The following PKNOX1 variants were observed in gnomAD, a reference collection of about 807,000 sequenced individuals.
PKNOX1 encodes homeobox protein PKNOX1.
A neutral mutation model predicts 51.9 loss-of-function variants in PKNOX1; 15 were observed. The observed-to-expected ratio is 0.29, with a 90% CI of 0.19 to 0.45. PKNOX1 has a LOEUF of 0.45. Among genes scored for constraint, PKNOX1 ranks in the 20% least tolerant of loss-of-function variants. The probability of loss-of-function intolerance (pLI) is 1.00; values close to 1 mark genes in which losing one functional copy is unlikely to be tolerated. For missense variants in PKNOX1, 462 were observed against 547.5 expected (o/e 0.84, Z 1.56); for synonymous variants, 219 against 211.1 (o/e 1.04, Z -0.32).
chr21:43,021,456 G>A lies in PKNOX1; in HGVS notation c.849+25G>A. ...GGTAAGGACGGCTGGGCCAGCCCTT[G>A]CCTTGCAGCCCTCTGCGACGCTTGC... is the stretch of plus-strand genomic sequence containing the variant. On this transcript the variant is annotated intron_variant, in intron 8 of 10. Transcript: ENST00000291547. This position sits in a 1 kb window ranked among gnomAD's most constrained non-coding sequence, Gnocchi z 4.6. The A allele has an allele frequency of 6.3e-7, 1 of 1,584,948 alleles. No homozygotes were observed. The highest frequency in any genetic ancestry group is 8.6e-7 in the Non-Finnish European group (1 of 1,163,180).
chr21:42,995,216 C>T lies in PKNOX1; in HGVS notation c.-56-9110C>T, dbSNP rs554013234. Among the ~76,000 whole-genome samples, 19 of 152,276 alleles carry T rather than the reference C, an allele frequency of 1.2e-4. No individual in the cohort carries two copies. In the East Asian group the frequency reaches 3.5e-3, roughly 28 times the overall value. On this transcript the variant is annotated intron_variant, in intron 1 of 10. Coordinates refer to ENST00000291547, the MANE Select transcript of PKNOX1 (RefSeq NM_004571.5). ...GGATTACAGGTGTGAACCACCACAC[C>T]TGGCCGTTTACTTTTATTTTTGCCA...
At position 43,030,302 on chromosome 21, in the gene PKNOX1, CGTGTGTGT is replaced by C; in HGVS notation, c.*203_*210del. 2.6e-6 allele frequency: 1 copy of C among 381,214 alleles called. No homozygotes were observed. The highest frequency in any genetic ancestry group is 4.7e-6 in the Non-Finnish European group (1 of 214,218). 23.6% of individuals were successfully genotyped at this position (381,214 alleles called of 1,614,324 possible). A position where few individuals can be genotyped will look rare whatever the true frequency, so the allele number is the denominator to read the frequency against. Reference sequence around the variant, plus strand: ...GTGTGTGTGTGTGTGTGCGTGTGTGCGTGTGTGTGGATTTTTAAAGAAATTCTTTAAAG... The same window carrying C: ...GTGTGTGTGTGTGTGTGCGTGTGTGCGGATTTTTAAAGAAATTCTTTAAAG... On this transcript the variant is annotated 3_prime_UTR_variant, in exon 11 of 11. Transcript: ENST00000291547.
At chr21:42,991,404 A>C (rs2059086394) in intron 1 of PKNOX1, among the ~76,000 whole-genome samples, 2 of 152,076 alleles carry the variant, frequency 1.3e-5, no homozygotes, top group Admixed American at 1.3e-4. Context: ...TTAACTATAC[A>C]GAGAGGAGTT....
intron 9 of PKNOX1, among the ~76,000 whole-genome samples, chr21:43,025,577 A>G (rs923795937): frequency 1.3e-5 from 2 of 152,194 alleles, no homozygotes; most frequent in Non-Finnish European, 2.9e-5. Flanking sequence ...GACTCTGGCC[A>G]GATGTATTTT....
chr21:42,994,703 C>G (rs1014784388), intron 1 of PKNOX1, among the ~76,000 whole-genome samples: 19 of 152,020 alleles, frequency 1.2e-4, no homozygotes, highest in Non-Finnish European at 2.8e-4. Context: ...TACAACTAAA[C>G]ATTGAGCACG....
At chr21:42,981,831 G>A (rs1347493745) in intron 1 of PKNOX1, among the ~76,000 whole-genome samples, 1 of 152,230 alleles carries the variant, frequency 6.6e-6, no homozygotes, top group African/African-American at 2.4e-5. Context: ...TGGGTGGTGA[G>A]ATAGGTGGTT....
chr21:43,007,661 G>A lies in PKNOX1; in HGVS notation c.179+43G>A, dbSNP rs769903979. ...GGCTGTGGGGGCCTCAGAGGAGTGA[G>A]GAGTGTCCACAAGTTTGTTAAAAGG... On this transcript the variant is annotated intron_variant, in intron 3 of 10. Transcript: ENST00000291547. 7.4e-6 allele frequency: 12 copies of A among 1,611,404 alleles called. No homozygotes were observed. In the African/African-American group the frequency reaches 9.4e-5, roughly 13 times the overall value.
Position 43,010,153 on chromosome 21 carries a change from G to GAA in PKNOX1, c.283_284dup (p.Asn95LysfsTer4). On this transcript the variant is annotated frameshift_variant, in exon 4 of 11. Coordinates refer to ENST00000291547, the MANE Select transcript of PKNOX1 (RefSeq NM_004571.5). LOFTEE classifies it high-confidence loss of function. ...TTCTGCCAGTTTTGATGTAGACATC[G>GAA]AAAATTTTGTAAGAAAGCAAGAGAA... 1 of 1,604,560 alleles carries GAA rather than the reference G, an allele frequency of 6.2e-7. No individual in the cohort carries two copies.
At chr21:43,003,917 A>T (rs534428794) in intron 1 of PKNOX1, 3 of 158,316 alleles carry the variant, frequency 1.9e-5, no homozygotes, top group Admixed American at 6.1e-5. Context: ...TTTGTTCTCT[A>T]CATGTAAAAA....
intron 4 of PKNOX1, 104 bp downstream of exon 4, chr21:43,010,328 G>A: frequency 1.6e-6 from 1 of 614,316 alleles, no homozygotes; most frequent in South Asian, 2.6e-5. Context: ...TCTGCTAAAG[G>A]AGAGACTCAT....
chr21:43,023,682 T>G (rs1979863044), intron 8 of PKNOX1, among the ~76,000 whole-genome samples: 1 of 151,980 alleles, frequency 6.6e-6, no homozygotes, highest in African/African-American at 2.4e-5. Flanking sequence ...TGGCGCGATC[T>G]CGGCTCACTG....
chr21:42,985,239 G>C (rs1489384216), intron 1 of PKNOX1, among the ~76,000 whole-genome samples: 1 of 151,868 alleles, frequency 6.6e-6, no homozygotes, highest in Non-Finnish European at 1.5e-5. Context: ...CACCCTCCTC[G>C]GCCTCTCAAA....
chr21:42,983,142 C>T (rs1268821500), intron 1 of PKNOX1, among the ~76,000 whole-genome samples: 2 of 152,042 alleles, frequency 1.3e-5, no homozygotes, highest in Non-Finnish European at 2.9e-5. Flanking sequence ...TGGTAAAATA[C>T]ACGTAACAAA....
intron 1 of PKNOX1, among the ~76,000 whole-genome samples, chr21:42,987,395 A>AT (rs1568888764): frequency 6.5e-5 from 8 of 122,762 alleles, no homozygotes; most frequent in African/African-American, 2.6e-4. Context: ...AAAAAAAAAA[A>AT]AAAAAAAAAA....
chr21:43,010,668 C>G (rs766518112), intron 4 of PKNOX1, among the ~76,000 whole-genome samples: 1 of 151,866 alleles, frequency 6.6e-6, no homozygotes, highest in African/African-American at 2.4e-5. Context: ...TGGCCAACAT[C>G]TGGTCTCGAT....
rs367879750 is a variant in PKNOX1, at chr21:43,001,832, C to T, written c.-56-2494C>T. ...AAAATTAGCCGGACGTAGTCGCAGGCGCCTGTAGTCCCAGCTACTCGGGAG... is the reference window on the plus strand; with the variant it reads ...AAAATTAGCCGGACGTAGTCGCAGGTGCCTGTAGTCCCAGCTACTCGGGAG... On this transcript the variant is annotated intron_variant, in intron 1 of 10. Transcript: ENST00000291547. Among the ~76,000 whole-genome samples, 20 of 151,878 alleles carry T rather than the reference C, an allele frequency of 1.3e-4. No individual in the cohort carries two copies. In the East Asian group the frequency reaches 2.3e-3, roughly 18 times the overall value.
Position 43,030,826 on chromosome 21 carries a change from A to C in PKNOX1, c.*725A>C, listed in dbSNP as rs181840413. 8 of 152,358 alleles carry C rather than the reference A, an allele frequency of 5.3e-5. No homozygotes were observed. The East Asian group carries it at 9.7e-4, about 18-fold the overall frequency. 9.4% of individuals were successfully genotyped at this position (152,358 alleles called of 1,614,324 possible). On this transcript the variant is annotated 3_prime_UTR_variant, in exon 11 of 11. Coordinates refer to ENST00000291547, the MANE Select transcript of PKNOX1 (RefSeq NM_004571.5). The stretch of plus-strand genomic sequence containing the variant: ...GGAATGTTCTGAATTGACCAAATTT[A>C]ATGAACCTGCCCAAAGTTAGCTACC...
chr21:43,029,592 C>T (rs1006992483), intron 10 of PKNOX1, among the ~76,000 whole-genome samples: 27 of 151,674 alleles, frequency 1.8e-4, no homozygotes, highest in Admixed American at 1.3e-4. Flanking sequence ...CCACCACGCC[C>T]GGCTAATTTT....
chr21:43,008,599 G>A (rs1034754985), intron 3 of PKNOX1, among the ~76,000 whole-genome samples: 5 of 152,040 alleles, frequency 3.3e-5, no homozygotes, highest in Admixed American at 2.0e-4. Flanking sequence ...CCAACATGGC[G>A]AAACCCTGTC....
Sources: gnomAD v4.1 joint callset for allele counts (sites outside exome capture counted in the v4.1 genomes callset) on GRCh38, gnomAD v4.1.1 for gene constraint, Gnocchi (gnomAD v3.1) non-coding constraint, MANE v1.5 for transcripts, NCBI Gene and HGNC (gene_info 2026-07-23, HGNC 2026-07-21) for gene names.